Variants in RAB30 observed in about 807,000 individuals in gnomAD.
RAB30 encodes RAB30, member RAS oncogene family, also known as ras-related protein Rab-30.
A neutral mutation model predicts 25.1 loss-of-function variants in RAB30; 9 were observed. The observed-to-expected ratio is 0.36, with a 90% CI of 0.22 to 0.63. RAB30 has a LOEUF of 0.63. RAB30 is among the 20% of genes least tolerant of loss of function. RAB30 has a pLI of 0.69. For missense variants in RAB30, 140 were observed against 243.5 expected, an observed-to-expected ratio of 0.58 and a Z score of 2.83; for synonymous variants, 77 against 86.4, an observed-to-expected ratio of 0.89 and a Z score of 0.60.
At chr11:83,069,675 T>C (rs1858787827) in intron 1 of RAB30, among the ~76,000 whole-genome samples, 1 of 152,248 alleles carries the variant, frequency 6.6e-6, no homozygotes, top group South Asian at 2.1e-4. Flanking sequence ...TGAAGACTAC[T>C]TATTCCTTGG....
chr11:82,994,160 T>C, intron 2 of RAB30, 38 bp from the exon 3 acceptor site: 2 of 1,526,616 alleles, frequency 1.3e-6, no homozygotes, highest in South Asian at 2.3e-5. Context: ...GCTAAGCAAA[T>C]ATTTCCATTA....
At chr11:82,989,636 T>C (rs1393807102) in intron 3 of RAB30, among the ~76,000 whole-genome samples, 1 of 152,264 alleles carries the variant, frequency 6.6e-6, no homozygotes, top group Non-Finnish European at 1.5e-5. Flanking sequence ...ATTTAGGAAC[T>C]GTTCAGTATT....
chr11:83,024,037 A>C (rs1326325958), intron 1 of RAB30, among the ~76,000 whole-genome samples: 2 of 152,132 alleles, frequency 1.3e-5, no homozygotes, highest in Admixed American at 6.5e-5. Context: ...TCTACTCCAT[A>C]TCCCGGGGCC....
At chr11:83,058,385 T>G (rs1359177356) in intron 1 of RAB30, among the ~76,000 whole-genome samples, 1 of 152,250 alleles carries the variant, frequency 6.6e-6, no homozygotes, top group African/African-American at 2.4e-5. Context: ...CAGGATCATA[T>G]GTTACATTTA....
intron 1 of RAB30, among the ~76,000 whole-genome samples, chr11:83,065,932 T>C (rs532606782): frequency 1.3e-5 from 2 of 152,204 alleles, no homozygotes; most frequent in Non-Finnish European, 2.9e-5. Context: ...CACATAAATA[T>C]GTATACGTAT....
chr11:83,021,402 G>A (rs1431574806), intron 1 of RAB30, among the ~76,000 whole-genome samples: 1 of 152,224 alleles, frequency 6.6e-6, no homozygotes, highest in African/African-American at 2.4e-5. Context: ...TGTGGTTCCT[G>A]GTGCCTCCAA....
At chr11:83,027,097 C>G (rs554783469) in intron 1 of RAB30, among the ~76,000 whole-genome samples, 2 of 152,282 alleles carry the variant, frequency 1.3e-5, no homozygotes, top group South Asian at 4.2e-4. Flanking sequence ...AAAGGCCTGT[C>G]TCTGGGGAGC....
In RAB30 at chr11:83,001,046, C is replaced by CAAAAAAAA. The variant is rs1181057652; in HGVS notation, c.-8-3730_-8-3723dup. ...TGGGCGACAGAACGAGACTCCGTCTCAAAAAAAAAAAAAAAAAAAAAAAAG... is the reference window on the plus strand; with the variant it reads ...TGGGCGACAGAACGAGACTCCGTCTCAAAAAAAAAAAAAAAAAAAAAAAAAAAAAAAAG... On this transcript the variant is annotated intron_variant, in intron 1 of 4. Transcript: ENST00000527633. Among the ~76,000 whole-genome samples, 2 of 53,638 alleles carry CAAAAAAAA rather than the reference C, an allele frequency of 3.7e-5. 1 individual carries two copies. The highest frequency in any genetic ancestry group is 1.5e-4 in the African/African-American group (2 of 12,936). 35.2% of individuals were successfully genotyped at this position (53,638 alleles called of 152,430 possible).
intron 1 of RAB30, among the ~76,000 whole-genome samples, chr11:82,998,780 A>G (rs1357405497): frequency 1.3e-5 from 2 of 151,794 alleles, no homozygotes; most frequent in Admixed American, 6.6e-5. Context: ...CTTAAGGTGT[A>G]GGCAGAACAG....
intron 1 of RAB30, among the ~76,000 whole-genome samples, chr11:83,010,251 G>T (rs1239079901): frequency 6.6e-6 from 1 of 152,164 alleles, no homozygotes; most frequent in East Asian, 1.9e-4. Context: ...AGGAGTTTGA[G>T]ACCAGCCCAG....
At chr11:83,020,951 A>G (rs995558830) in intron 1 of RAB30, among the ~76,000 whole-genome samples, 24 of 152,104 alleles carry the variant, frequency 1.6e-4, no homozygotes, top group Non-Finnish European at 3.2e-4. Context: ...CAGGATGACC[A>G]GCTGCAGAGA....
Position 82,996,681 on chromosome 11 carries a change from A to G in RAB30, c.93+543T>C, listed in dbSNP as rs553004125. Among the ~76,000 whole-genome samples, 18 of 152,346 alleles carry G rather than the reference A, an allele frequency of 1.2e-4. 2 individuals are homozygous for G. The South Asian group carries it at 3.3e-3, about 28-fold the overall frequency. Reference sequence around the variant, plus strand: ...GAATTCAACCCAGAGAGGCCATTCAATTCAGTTCAGATAATTCTTCACTAT... The same window carrying G: ...GAATTCAACCCAGAGAGGCCATTCAGTTCAGTTCAGATAATTCTTCACTAT... On this transcript the variant is annotated intron_variant, in intron 2 of 4. Coordinates refer to ENST00000527633, the MANE Select transcript of RAB30 (RefSeq NM_001286060.2).
At chr11:83,049,657 T>C (rs1858315329) in intron 1 of RAB30, among the ~76,000 whole-genome samples, 1 of 151,748 alleles carries the variant, frequency 6.6e-6, no homozygotes, top group Non-Finnish European at 1.5e-5. Flanking sequence ...AATTTTTTTT[T>C]TAATTCTTTG....
chr11:83,005,309 T>C (rs1163468251), intron 1 of RAB30, among the ~76,000 whole-genome samples: 1 of 152,258 alleles, frequency 6.6e-6, no homozygotes, highest in Non-Finnish European at 1.5e-5. Context: ...ACACACTATG[T>C]GTCCCCAGGT....
intron 1 of RAB30, among the ~76,000 whole-genome samples, chr11:83,066,039 C>T (rs766820401): frequency 2.0e-4 from 31 of 152,256 alleles, no homozygotes; most frequent in Non-Finnish European, 3.1e-4. Flanking sequence ...AGGAGGCCTA[C>T]GTAGTTCTCA....
At chr11:83,010,704 T>C (rs1045409990) in intron 1 of RAB30, among the ~76,000 whole-genome samples, 5 of 152,150 alleles carry the variant, frequency 3.3e-5, no homozygotes, top group African/African-American at 7.2e-5. Context: ...CCAAAAGCCA[T>C]AAAAGAATCC....
At position 82,978,853 on chromosome 11, in the gene RAB30, T is replaced by C. The variant is rs1233903887; in HGVS notation, c.*3312A>G. ...ATATCTTATTTTGGCCAATCGTTTC[T>C]ACCTTCCTTATAAACTCTAAATCAG... On this transcript the variant is annotated 3_prime_UTR_variant, in exon 5 of 5. Transcript: ENST00000527633. 2 of 152,238 alleles carry C rather than the reference T, an allele frequency of 1.3e-5. No individual in the cohort carries two copies. The highest frequency in any genetic ancestry group is 6.5e-5 in the Admixed American group (1 of 15,278). 9.4% of individuals were successfully genotyped at this position (152,238 alleles called of 1,614,324 possible).
intron 1 of RAB30, among the ~76,000 whole-genome samples, chr11:83,001,015 C>T (rs973793411): frequency 6.8e-6 from 1 of 147,080 alleles, no homozygotes; most frequent in Non-Finnish European, 1.5e-5. Context: ...CCACAGCACT[C>T]CCGCCTGGGC....
At chr11:83,014,695 A>AAAG in intron 1 of RAB30, among the ~76,000 whole-genome samples, 2 of 148,312 alleles carry the variant, frequency 1.3e-5, no homozygotes, top group Middle Eastern at 3.4e-3. Flanking sequence ...AGAAAGAAAG[A>AAAG]GAAAGGAAGG....
Sources: gnomAD v4.1 joint callset for allele counts (sites outside exome capture counted in the v4.1 genomes callset) on GRCh38, gnomAD v4.1.1 for gene constraint, MANE v1.5 for transcripts, NCBI Gene and HGNC (gene_info 2026-07-23, HGNC 2026-07-21) for gene names.